MAST2: variants seen among roughly 807,000 people sequenced by gnomAD.
MAST2 encodes microtubule associated serine/threonine kinase 2.
In MAST2, 70 loss-of-function variants were observed where a neutral mutation model predicts 147.4. That is an observed-to-expected ratio of 0.47 (90% CI 0.39 to 0.58). The LOEUF (loss-of-function observed/expected upper bound fraction) is 0.58, where lower values mean the gene tolerates loss of function less well. Ranked by LOEUF, MAST2 falls within the 20% of genes least tolerant of loss-of-function variation. The probability of loss-of-function intolerance (pLI) is 0.00; values close to 1 mark genes in which losing one functional copy is unlikely to be tolerated. For missense variants in MAST2, 2,080 were observed against 2,302.3 expected (o/e 0.90, Z 1.98); for synonymous variants, 869 against 896.8 (o/e 0.97, Z 0.55).
At chr1:45,927,672 A>T in intron 4 of MAST2, among the ~76,000 whole-genome samples, 1 of 152,124 alleles carries the variant, frequency 6.6e-6, no homozygotes, top group Admixed American at 6.5e-5. Context: ...GCTCAAACAC[A>T]TGCTGTATAA....
intron 5 of MAST2, among the ~76,000 whole-genome samples, chr1:45,985,531 A>G (rs4459051): frequency 0.34 from 51,535 of 152,096 alleles, 9,116 homozygotes; most frequent in African/African-American, 0.43. Flanking sequence ...TTTGTCACTC[A>G]TAGATTACTT....
chr1:45,862,143 A>T (rs1392229781), intron 3 of MAST2, among the ~76,000 whole-genome samples: 1 of 152,246 alleles, frequency 6.6e-6, no homozygotes, highest in Non-Finnish European at 1.5e-5. Flanking sequence ...AGAACCAAAC[A>T]GGCTTTAAGG....
intron 3 of MAST2, among the ~76,000 whole-genome samples, chr1:45,862,472 T>C (rs1292292164): frequency 6.6e-6 from 1 of 150,720 alleles, no homozygotes; most frequent in Non-Finnish European, 1.5e-5. Flanking sequence ...ATTTTTTAGA[T>C]AGTGAGGACT....
intron 4 of MAST2, among the ~76,000 whole-genome samples, chr1:45,939,585 G>C (rs1160319967): frequency 6.6e-6 from 1 of 152,074 alleles, no homozygotes; most frequent in African/African-American, 2.4e-5. Flanking sequence ...TGGTAGCCCA[G>C]GCTGGAGTGC....
At chr1:46,011,250 AGCC>A in intron 10 of MAST2, 1 of 350,180 alleles carries the variant, frequency 2.9e-6, no homozygotes, top group Non-Finnish European at 5.3e-6. Flanking sequence ...TGCTACCCAA[AGCC>A]AAAAAGTGGC....
chr1:45,978,051 TATATTTAAAAAACAAAAACAAAAACCAC>T (rs1399987174), intron 5 of MAST2, among the ~76,000 whole-genome samples: 1 of 150,968 alleles, frequency 6.6e-6, no homozygotes, highest in Non-Finnish European at 1.5e-5. Context: ...CCCTATCTCT[TATATTTAAAAAACAAAAACAAAAACCAC>T]ACAAAAAAAC....
intron 3 of MAST2, among the ~76,000 whole-genome samples, chr1:45,879,507 AG>A (rs1646749298): frequency 7.4e-6 from 1 of 135,532 alleles, no homozygotes; most frequent in Admixed American, 8.5e-5. Flanking sequence ...CAGGAGGTGG[AG>A]GTTGCCGCAC....
At position 46,035,401 on chromosome 1, in the gene MAST2, G is replaced by T. The variant is rs754967600; in HGVS notation, c.4732G>T (p.Gly1578Cys). Reference protein sequence around the residue: ...LGPPRMESPSGPHRRLGSPQA... With the variant: ...LGPPRMESPSCPHRRLGSPQA... The stretch of plus-strand genomic sequence containing the variant: ...GCCTCCCAGAATGGAAAGTCCCAGT[G>T]GTCCCCACAGGAGGCTCGGGAGCCC... Residue 1578 changes from glycine (G) to cysteine (C), a missense_variant, in exon 29 of 29, where the codon GGT becomes TGT. Gly to Cys is a radical substitution (Grantham distance 159). Around this residue, in one of 4 missense-constraint regions of MAST2, gnomAD observed 1,278 missense variants for 1,304.2 expected, o/e 0.98. Transcript: ENST00000361297. This position sits in a 1 kb window ranked among gnomAD's most constrained non-coding sequence, Gnocchi z 5.5. 6.2e-6 allele frequency: 10 copies of T among 1,612,294 alleles called. No homozygotes were observed. The highest frequency in any genetic ancestry group is 2.2e-5 in the East Asian group (1 of 44,796).
rs34012353 is a variant in MAST2 at position 45,948,706 on chromosome 1, C to CAAAAAAAAAA, written c.501-10662_501-10653dup. Among the ~76,000 whole-genome samples, 21 of 40,254 alleles carry CAAAAAAAAAA rather than the reference C, an allele frequency of 5.2e-4. 1 individual carries two copies. Among genetic ancestry groups the CAAAAAAAAAA allele is most frequent in the African/African-American group, 7.9e-4 (7 of 8,836 alleles). 26.4% of individuals were successfully genotyped at this position (40,254 alleles called of 152,430 possible). On this transcript the variant is annotated intron_variant, in intron 4 of 28. Transcript: ENST00000361297. The stretch of plus-strand genomic sequence containing the variant: ...TGGGCGACAGAGTGAGACTCCATCT[C>CAAAAAAAAAA]AAAAAAAAAAAAAAAAAAAAAAAAA...
At position 46,031,049 on chromosome 1, in the gene MAST2, G is replaced by A. The variant is rs552884704; in HGVS notation, c.2751G>A (p.Glu917=). 7 of 1,613,866 alleles carry A rather than the reference G, an allele frequency of 4.3e-6. No homozygotes were observed. Among genetic ancestry groups the A allele is most frequent in the Admixed American group, 1.7e-5 (1 of 60,000 alleles). Reference sequence around the variant, plus strand: ...CGGTGTCTGAGTCATCCCACACAGAGAGTGACTCAAGCCCTCCAATGACAG... The same window carrying A: ...CGGTGTCTGAGTCATCCCACACAGAAAGTGACTCAAGCCCTCCAATGACAG... ...RLSVSESSHT[E]SDSSPPMTVR... The change falls in exon 23 of 29, where the codon GAG becomes GAA. Residue 917 remains glutamate, a synonymous_variant. Coordinates refer to ENST00000361297, the MANE Select transcript of MAST2 (RefSeq NM_015112.3). This position sits in a 1 kb window ranked among gnomAD's most constrained non-coding sequence, Gnocchi z 4.1.
intron 5 of MAST2, among the ~76,000 whole-genome samples, chr1:45,986,043 T>A (rs1242462942): frequency 1.3e-5 from 2 of 152,204 alleles, no homozygotes; most frequent in African/African-American, 4.8e-5. Flanking sequence ...AACTTGCCTA[T>A]TCCACTGGGC....
Position 46,030,750 on chromosome 1 carries a change from C to T in MAST2, c.2697C>T (p.Gly899=). 1 of 1,583,904 alleles carries T rather than the reference C, an allele frequency of 6.3e-7. No homozygotes were observed. Residue 899 remains glycine (G), a synonymous_variant, in exon 22 of 29, where the codon GGC becomes GGT. Coordinates refer to ENST00000361297, the MANE Select transcript of MAST2 (RefSeq NM_015112.3). ...GCCGAGACCGGAGCTGGGTGATTGG[C>T]TCCCCTGAGATGTGAGCACCCAGAG... ...LKGRDRSWVI[G]SPEILRKRLS...
intron 3 of MAST2, among the ~76,000 whole-genome samples, chr1:45,869,118 A>G (rs1646278051): frequency 1.3e-5 from 2 of 152,080 alleles, no homozygotes; most frequent in Non-Finnish European, 2.9e-5. Context: ...TTTTTCTGAC[A>G]TTCCCCCCAT....
chr1:45,837,656 G>A lies in MAST2; in HGVS notation c.468+8075G>A, dbSNP rs554352343. Among the ~76,000 whole-genome samples, 43 of 152,308 alleles carry A rather than the reference G, an allele frequency of 2.8e-4. 1 individual carries two copies. The highest frequency in any genetic ancestry group is 6.8e-3 in the Middle Eastern group (2 of 294). On this transcript the variant is annotated intron_variant, in intron 3 of 28. Coordinates refer to ENST00000361297, the MANE Select transcript of MAST2 (RefSeq NM_015112.3). ...TAAATACCTAGGAATGAAACTGGTG[G>A]AATGTATATTTACCAGTGTAAATTT...
chr1:45,902,951 A>G (rs1570633504), intron 4 of MAST2, among the ~76,000 whole-genome samples: 1 of 151,074 alleles, frequency 6.6e-6, no homozygotes, highest in Non-Finnish European at 1.5e-5. Flanking sequence ...TTGCTCCTTT[A>G]TGTCATATTT....
intron 9 of MAST2, among the ~76,000 whole-genome samples, chr1:46,010,170 ACT>A (rs1234033803): frequency 5.9e-5 from 9 of 151,998 alleles, no homozygotes; most frequent in Non-Finnish European, 1.3e-4. Flanking sequence ...GTTAAATGAA[ACT>A]CTCTCTCACT....
rs1448543963 is a variant in MAST2 at position 45,905,787 on chromosome 1, A to AT, written c.500+23392_500+23393insT. 5.3e-5 allele frequency among the ~76,000 whole-genome samples: 8 copies of AT among 151,902 alleles called. No individual in the cohort carries two copies. In the East Asian group the frequency reaches 1.6e-3, roughly 30 times the overall value. On this transcript the variant is annotated intron_variant, in intron 4 of 28. Transcript: ENST00000361297. Reference sequence around the variant, plus strand: ...CAAGACTCTGTCTCAAAAAAAAAAAAATGCCAAACTTAGATTTAGGATACT... The same window carrying AT: ...CAAGACTCTGTCTCAAAAAAAAAAAATATGCCAAACTTAGATTTAGGATACT...
At chr1:45,923,697 A>G (rs1375991638) in intron 4 of MAST2, among the ~76,000 whole-genome samples, 3 of 152,202 alleles carry the variant, frequency 2.0e-5, no homozygotes, top group African/African-American at 7.2e-5. Context: ...AGATATTTTC[A>G]TTATGTAATA....
chr1:46,001,451 A>G (rs139424012), intron 6 of MAST2, among the ~76,000 whole-genome samples: 2 of 152,344 alleles, frequency 1.3e-5, no homozygotes, highest in East Asian at 3.9e-4. Context: ...TGGGAAATCC[A>G]TCCCTGAGTT....
Sources: allele counts gnomAD v4.1 joint callset (sites outside exome capture counted in the v4.1 genomes callset), GRCh38; gene constraint gnomAD v4.1.1; regional missense constraint gnomAD v4.1.1; non-coding constraint Gnocchi (gnomAD v3.1); transcripts MANE v1.5; gene names NCBI Gene and HGNC (gene_info 2026-07-23, HGNC 2026-07-21).